CDH15: variants seen among roughly 807,000 people sequenced by gnomAD.
The protein encoded by CDH15 is cadherin 15, also known as cadherin-15.
Under a neutral mutation model 69.4 loss-of-function variants are expected in CDH15, and 73 were observed. The observed-to-expected ratio is 1.05, with a 90% confidence interval of 0.87 to 1.28. The LOEUF (loss-of-function observed/expected upper bound fraction) is 1.28, where lower values mean the gene tolerates loss of function less well. Ranked by LOEUF, CDH15 falls within the 50% of genes most tolerant of loss-of-function variation. CDH15 has a pLI of 0.00. For missense variants in CDH15, 1,343 were observed against 1,133.6 expected (o/e 1.18, Z -2.65); for synonymous variants, 624 against 507.7 (o/e 1.23, Z -3.08).
intron 1 of CDH15, among the ~76,000 whole-genome samples, chr16:89,177,806 G>A (rs908207095): frequency 2.0e-5 from 3 of 152,166 alleles, no homozygotes; most frequent in South Asian, 4.1e-4. Context: ...TGTCAGCTGC[G>A]GCAGCTTCCA....
intron 1 of CDH15, among the ~76,000 whole-genome samples, chr16:89,175,192 G>A (rs1049620617): frequency 6.6e-6 from 1 of 152,226 alleles, no homozygotes; most frequent in African/African-American, 2.4e-5. Context: ...CAGCGTGACT[G>A]GAGGGTCTCC....
chr16:89,180,533 G>A (rs1051421097), intron 3 of CDH15, among the ~76,000 whole-genome samples, 178 bp downstream of exon 3: 6 of 152,308 alleles, frequency 3.9e-5, no homozygotes, highest in South Asian at 4.1e-4. Context: ...CCCTGCAGCC[G>A]GAGGAGGCAA....
chr16:89,184,403 C>T (rs770023122), intron 4 of CDH15, among the ~76,000 whole-genome samples: 7 of 152,176 alleles, frequency 4.6e-5, no homozygotes, highest in Non-Finnish European at 7.4e-5. Context: ...ACCTGAGCTG[C>T]CAGAGGGGTC....
chr16:89,187,862 C>T lies in CDH15; in HGVS notation c.793-238C>T, dbSNP rs372912978. Among the ~76,000 whole-genome samples, 5 of 152,272 alleles carry T rather than the reference C, an allele frequency of 3.3e-5. 1 individual carries two copies. The highest frequency in any genetic ancestry group is 3.3e-4 in the Admixed American group (5 of 15,302). ...GCCTTTGCTGTATGGGAAGGGAGCA[C>T]GAAGCTGAGCCCACAGAGGAGGACC... On this transcript the variant is annotated intron_variant, in intron 6 of 13. Coordinates refer to ENST00000289746, the MANE Select transcript of CDH15 (RefSeq NM_004933.3).
chr16:89,179,614 G>A, intron 2 of CDH15, 40 bp downstream of exon 2: 1 of 1,523,850 alleles, frequency 6.6e-7, no homozygotes, highest in Non-Finnish European at 8.8e-7. Flanking sequence ...AAAGGGGTAG[G>A]CTGGTCCCCA....
intron 4 of CDH15, among the ~76,000 whole-genome samples, chr16:89,184,467 T>C (rs1384909095): frequency 6.6e-6 from 1 of 152,126 alleles, no homozygotes; most frequent in East Asian, 1.9e-4. Context: ...GGTCCTGCCA[T>C]ATGTGGTCCC....
chr16:89,187,587 G>T lies in CDH15; in HGVS notation c.792+30G>T, dbSNP rs539862931. On this transcript the variant is annotated intron_variant, in intron 6 of 13. Transcript: ENST00000289746. ...TGCTGCTGTCCCTCCCTCGAAAGTAGCCCCTGCTTAGAGCTGCCTTCCCTT... is the reference window on the plus strand; with the variant it reads ...TGCTGCTGTCCCTCCCTCGAAAGTATCCCCTGCTTAGAGCTGCCTTCCCTT... 33 of 1,612,610 alleles carry T rather than the reference G, an allele frequency of 2.0e-5. No individual in the cohort carries two copies. The Admixed American group carries it at 2.3e-4, about 11-fold the overall frequency.
At chr16:89,191,955 G>A (rs995948726) in intron 10 of CDH15, 61 bp downstream of exon 10, 16 of 1,448,676 alleles carry the variant, frequency 1.1e-5, no homozygotes, top group African/African-American at 1.4e-5. Flanking sequence ...CCCACATTCC[G>A]GCCTCGGACG....
chr16:89,192,609 C>T lies in CDH15; in HGVS notation c.1855+165C>T, dbSNP rs549227909. On this transcript the variant is annotated intron_variant, in intron 11 of 13. Transcript: ENST00000289746. ...CGCTTCCTCCCCAGCTCCGCCTCCT[C>T]CCTAACCCCGCCCCGTCATTACCAG... 1.3e-3 allele frequency among the ~76,000 whole-genome samples: 153 copies of T among 115,720 alleles called. 2 individuals carry two copies. Among genetic ancestry groups the T allele is most frequent in the African/African-American group, 5.1e-3 (142 of 27,660 alleles). 75.9% of individuals were successfully genotyped at this position (115,720 alleles called of 152,430 possible).
Position 89,195,206 on chromosome 16 carries a change from C to T in CDH15, c.*51C>T, listed in dbSNP as rs766112267. On this transcript the variant is annotated 3_prime_UTR_variant, in exon 14 of 14. Transcript: ENST00000289746. The stretch of plus-strand genomic sequence containing the variant: ...CTCCCCGGCCTCGTGGCAGTGATGG[C>T]CCCTGCAGAGGCAGCCTGAGGTCAC... 8.0e-6 allele frequency: 12 copies of T among 1,504,494 alleles called. No individual in the cohort carries two copies. The African/African-American group carries it at 9.6e-5, about 12-fold the overall frequency. The allele number at this position is 1,504,494 out of a possible 1,614,324, so 93.2% of individuals were successfully genotyped here. A position where few individuals can be genotyped will look rare whatever the true frequency, so the allele number is the denominator to read the frequency against.
chr16:89,186,149 TTA>T (rs1915480966), intron 5 of CDH15: 2 of 119,518 alleles, frequency 1.7e-5, no homozygotes, highest in African/African-American at 3.3e-5. Context: ...CTGTAAACGC[TTA>T]CCCAGCACAC....
At chr16:89,183,756 A>C in intron 4 of CDH15, 64 bp downstream of exon 4, 5 of 1,503,018 alleles carry the variant, frequency 3.3e-6, no homozygotes, top group East Asian at 2.5e-5. Context: ...GAAGTCCAGG[A>C]CTTCCCTTAA....
At chr16:89,191,960 C>A (rs1050312452) in intron 10 of CDH15, 66 bp downstream of exon 10, 23 of 1,442,748 alleles carry the variant, frequency 1.6e-5, no homozygotes, top group Non-Finnish European at 2.0e-5. Flanking sequence ...ATTCCGGCCT[C>A]GGACGGGGGC....
At chr16:89,173,395 G>T (rs74033423) in intron 1 of CDH15, among the ~76,000 whole-genome samples, 7,468 of 152,254 alleles carry the variant, frequency 0.049, 589 homozygotes, top group African/African-American at 0.17. Flanking sequence ...TGTGGCAGGT[G>T]GGGAGGCAGG....
intron 5 of CDH15, chr16:89,185,651 C>T (rs1458938423): frequency 4.5e-6 from 2 of 441,660 alleles, no homozygotes; most frequent in East Asian, 4.5e-5. Flanking sequence ...CTAACTCCTT[C>T]TGTCAGGGCC....
chr16:89,176,749 G>A (rs1398541988), intron 1 of CDH15, among the ~76,000 whole-genome samples: 4 of 151,758 alleles, frequency 2.6e-5, no homozygotes, highest in Non-Finnish European at 5.9e-5. Flanking sequence ...AGCAGGCCGC[G>A]AAGATGGTGA....
At chr16:89,188,934 A>C (rs1446025282) in intron 7 of CDH15, among the ~76,000 whole-genome samples, 1 of 145,586 alleles carries the variant, frequency 6.9e-6, no homozygotes, top group African/African-American at 2.6e-5. Context: ...GCCCACACAC[A>C]GATGCCCACA....
At chr16:89,193,175 C>T (rs1345936848) in intron 11 of CDH15, among the ~76,000 whole-genome samples, 1 of 94,946 alleles carries the variant, frequency 1.1e-5, no homozygotes, top group Non-Finnish European at 2.2e-5. Flanking sequence ...CCGCCCCCTG[C>T]TCGCAAACCC....
intron 2 of CDH15, among the ~76,000 whole-genome samples, chr16:89,179,904 G>A (rs779896593): frequency 6.6e-6 from 1 of 152,210 alleles, no homozygotes; most frequent in Non-Finnish European, 1.5e-5. Context: ...AGGTGAAGGT[G>A]AACTGCCTTG....
Sources: allele counts gnomAD v4.1 joint callset (sites outside exome capture counted in the v4.1 genomes callset), GRCh38; gene constraint gnomAD v4.1.1; transcripts MANE v1.5; gene names NCBI Gene and HGNC (gene_info 2026-07-23, HGNC 2026-07-21).